FNIP2: variants seen among roughly 807,000 people sequenced by gnomAD.
FNIP2 encodes the protein folliculin-interacting protein 2.
In FNIP2, 32 loss-of-function variants were observed where a neutral mutation model predicts 108.7. That is an observed-to-expected ratio of 0.29 (90% CI 0.22 to 0.40). The LOEUF (loss-of-function observed/expected upper bound fraction) is 0.40. FNIP2 is among the 10% of genes least tolerant of loss of function. The probability of loss-of-function intolerance (pLI) is 1.00; values close to 1 mark genes in which losing one functional copy is unlikely to be tolerated. For missense variants in FNIP2, 1,202 were observed against 1,381.6 expected, an observed-to-expected ratio of 0.87 and a Z score of 2.06; for synonymous variants, 480 against 496.7, an observed-to-expected ratio of 0.97 and a Z score of 0.45.
At chr4:158,867,109 T>C (rs1037477470) in intron 12 of FNIP2, among the ~76,000 whole-genome samples, 3 of 152,260 alleles carry the variant, frequency 2.0e-5, no homozygotes, top group Non-Finnish European at 4.4e-5. Context: ...AAGCTGACTG[T>C]AGAGCTCACA....
In FNIP2 at chr4:158,875,515, GATATATATATAT is replaced by G. The variant is rs56389652; in HGVS notation, c.2949+5061_2949+5072del. Among the ~76,000 whole-genome samples the G allele has an allele frequency of 3.1e-4, 35 of 111,818 alleles. 1 individual carries two copies. Among genetic ancestry groups the G allele is most frequent in the African/African-American group, 1.0e-3 (20 of 19,590 alleles). 73.4% of individuals were successfully genotyped at this position (111,818 alleles called of 152,430 possible). Reference sequence around the variant, plus strand: ...AGAGCTTTGCTAAAAGCCTGGCTGTGATATATATATATATATATATATATATGCTCATGAATA... The same window carrying G: ...AGAGCTTTGCTAAAAGCCTGGCTGTGATATATATATATATGCTCATGAATA... On this transcript the variant is annotated intron_variant, in intron 14 of 16. Transcript: ENST00000264433.
intron 1 of FNIP2, among the ~76,000 whole-genome samples, chr4:158,776,282 C>G (rs1467996160): frequency 6.6e-6 from 1 of 152,204 alleles, no homozygotes; most frequent in Non-Finnish European, 1.5e-5. Context: ...GTTGTCATAG[C>G]AACTCTTTCT....
intron 14 of FNIP2, among the ~76,000 whole-genome samples, chr4:158,878,658 C>T (rs1300266451): frequency 6.6e-6 from 1 of 152,130 alleles, no homozygotes; most frequent in African/African-American, 2.4e-5. Context: ...GATAGGCCCA[C>T]GTTCAGAAAT....
intron 1 of FNIP2, among the ~76,000 whole-genome samples, chr4:158,776,539 C>A (rs1299078719): frequency 6.6e-6 from 1 of 152,218 alleles, no homozygotes; most frequent in Non-Finnish European, 1.5e-5. Flanking sequence ...TTCATTTCTT[C>A]ATTAGCTATC....
At chr4:158,874,609 T>C (rs536200734) in intron 14 of FNIP2, among the ~76,000 whole-genome samples, 4 of 151,976 alleles carry the variant, frequency 2.6e-5, no homozygotes, top group African/African-American at 9.7e-5. Context: ...GCTGTGATCA[T>C]TGCCACTGCA....
At chr4:158,892,141 CTTTTTTTT>C (rs34895070) in intron 15 of FNIP2, among the ~76,000 whole-genome samples, 9 of 113,502 alleles carry the variant, frequency 7.9e-5, no homozygotes, top group Admixed American at 3.7e-4. Flanking sequence ...TCAATTGTTG[CTTTTTTTT>C]TTTTTTTTTT....
At chr4:158,851,127 C>T (rs1338970486) in intron 7 of FNIP2, among the ~76,000 whole-genome samples, 194 bp from the exon 8 acceptor site, 1 of 152,046 alleles carries the variant, frequency 6.6e-6, no homozygotes, top group East Asian at 1.9e-4. Flanking sequence ...CCATCTCAAC[C>T]ATTTTATTAG....
At chr4:158,876,258 C>T (rs969951177) in intron 14 of FNIP2, among the ~76,000 whole-genome samples, 2 of 152,224 alleles carry the variant, frequency 1.3e-5, no homozygotes, top group African/African-American at 2.4e-5. Flanking sequence ...CCACTTCCAC[C>T]GCCTTGTGCA....
In FNIP2 at chr4:158,868,338, G is replaced by A; in HGVS notation, c.1702G>A (p.Val568Met). ...EKGEVEESEY[V>M]VITVRNEPAL... ...AGGAGAGGTGGAGGAGTCTGAGTATGTGGTCATTACGGTGAGGAACGAGCC... is the reference window on the plus strand; with the variant it reads ...AGGAGAGGTGGAGGAGTCTGAGTATATGGTCATTACGGTGAGGAACGAGCC... Residue 568 changes from valine (V) to methionine (M), a missense_variant, in exon 13 of 17, where the codon GTG becomes ATG. Val to Met is a conservative substitution (Grantham distance 21). Transcript: ENST00000264433. This position sits in a 1 kb window ranked among gnomAD's most constrained non-coding sequence, Gnocchi z 4.6. 3.1e-6 allele frequency: 5 copies of A among 1,614,048 alleles called. No individual in the cohort carries two copies. Among genetic ancestry groups the A allele is most frequent in the Non-Finnish European group, 4.2e-6 (5 of 1,179,908 alleles).
At chr4:158,841,297 G>A (rs779738711) in intron 7 of FNIP2, among the ~76,000 whole-genome samples, 15 of 152,160 alleles carry the variant, frequency 9.9e-5, no homozygotes, top group Non-Finnish European at 8.8e-5. Flanking sequence ...ATTCTCACTG[G>A]TACCAAAGGA....
chr4:158,851,762 A>G (rs544055104), intron 8 of FNIP2, among the ~76,000 whole-genome samples: 5 of 152,342 alleles, frequency 3.3e-5, no homozygotes, highest in South Asian at 4.1e-4. Context: ...TGTAGCTTGT[A>G]TAAGTAATGA....
chr4:158,790,982 G>A (rs1776394598), intron 1 of FNIP2, among the ~76,000 whole-genome samples: 1 of 151,938 alleles, frequency 6.6e-6, no homozygotes, highest in Non-Finnish European at 1.5e-5. Context: ...TTGTTTGCAG[G>A]TGATTTTCCC....
chr4:158,818,618 G>A (rs1391255932), intron 1 of FNIP2, among the ~76,000 whole-genome samples: 3 of 152,138 alleles, frequency 2.0e-5, no homozygotes, highest in Non-Finnish European at 4.4e-5. Flanking sequence ...AGCCCCTGGA[G>A]GAAGTATTAT....
chr4:158,860,281 C>T (rs998680309), intron 10 of FNIP2, among the ~76,000 whole-genome samples: 2 of 151,874 alleles, frequency 1.3e-5, no homozygotes, highest in African/African-American at 2.4e-5. Context: ...CAGTCATGAG[C>T]GAATGAGTCA....
intron 7 of FNIP2, among the ~76,000 whole-genome samples, chr4:158,848,831 A>G (rs1779545193): frequency 6.6e-6 from 1 of 152,228 alleles, no homozygotes; most frequent in South Asian, 2.1e-4. Flanking sequence ...CAATTGTCAT[A>G]CTGAAGAATG....
chr4:158,805,121 C>T (rs1054684321), intron 1 of FNIP2, among the ~76,000 whole-genome samples: 1 of 152,170 alleles, frequency 6.6e-6, no homozygotes, highest in African/African-American at 2.4e-5. Flanking sequence ...GCAAAAACCG[C>T]AATTACTTTT....
intron 1 of FNIP2, among the ~76,000 whole-genome samples, chr4:158,812,703 G>GAT (rs1212570575): frequency 2.0e-5 from 3 of 151,818 alleles, no homozygotes; most frequent in Non-Finnish European, 4.4e-5. Context: ...ACACCACAGT[G>GAT]ATATATTTGT....
chr4:158,792,244 A>G (rs1057370768), intron 1 of FNIP2, among the ~76,000 whole-genome samples: 2 of 152,204 alleles, frequency 1.3e-5, no homozygotes, highest in African/African-American at 4.8e-5. Flanking sequence ...TCATGGACAT[A>G]TGCAGAGTGG....
At chr4:158,778,443 C>T (rs954165382) in intron 1 of FNIP2, among the ~76,000 whole-genome samples, 3 of 152,190 alleles carry the variant, frequency 2.0e-5, no homozygotes, top group Admixed American at 1.3e-4. Context: ...TTGAATTGCA[C>T]ACCATTCTGA....
Sources: allele counts gnomAD v4.1 joint callset (sites outside exome capture counted in the v4.1 genomes callset), GRCh38; gene constraint gnomAD v4.1.1; non-coding constraint Gnocchi (gnomAD v3.1); transcripts MANE v1.5; gene names NCBI Gene and HGNC (gene_info 2026-07-23, HGNC 2026-07-21).